The following ALK variants were observed in gnomAD, a reference collection of about 807,000 sequenced individuals.
ALK encodes the protein ALK receptor tyrosine kinase.
Under a neutral mutation model 163.1 loss-of-function variants are expected in ALK, and 74 were observed. The ratio of observed to expected loss-of-function variants is 0.45; its 90% CI spans 0.38 to 0.55. The LOEUF is 0.55. Ranked by LOEUF, ALK falls within the 20% of genes least tolerant of loss-of-function variation. The probability of loss-of-function intolerance (pLI) is 0.00; values close to 1 mark genes in which losing one functional copy is unlikely to be tolerated. For synonymous variants in ALK, 960 were observed against 843.2 expected (o/e 1.14, Z -2.40); for missense variants, 2,063 against 2,105.3 (o/e 0.98, Z 0.39).
Position 29,213,973 on chromosome 2 carries a change from CTT to C in ALK, c.3743+9_3743+10del, listed in dbSNP as rs1330066908. On this transcript the variant is annotated intron_variant, in intron 24 of 28. Coordinates refer to ENST00000389048, the MANE Select transcript of ALK (RefSeq NM_004304.5). ...CAGGATGACAGGAAGAGCACAGTCA[CTT>C]TGACTCACCGGTGGATGAAGTGGTT... The C allele has an allele frequency of 2.5e-6, 4 of 1,611,304 alleles. No homozygotes were observed. Among genetic ancestry groups the C allele is most frequent in the Non-Finnish European group, 2.5e-6 (3 of 1,177,620 alleles).
intron 3 of ALK, among the ~76,000 whole-genome samples, chr2:29,668,989 G>T (rs2148268442): frequency 6.6e-6 from 1 of 152,130 alleles, no homozygotes; most frequent in African/African-American, 2.4e-5. Flanking sequence ...ACCTCCCACT[G>T]GGTCCTTCCC....
intron 5 of ALK, among the ~76,000 whole-genome samples, chr2:29,345,317 G>A (rs1011762359): frequency 6.6e-6 from 1 of 151,878 alleles, no homozygotes; most frequent in South Asian, 2.1e-4. Flanking sequence ...GATCACCTGA[G>A]CCTGGGAGTT....
chr2:29,480,362 T>A (rs1671633078), intron 4 of ALK, among the ~76,000 whole-genome samples: 1 of 152,206 alleles, frequency 6.6e-6, no homozygotes, highest in Non-Finnish European at 1.5e-5. Context: ...GAGCTGTTTG[T>A]AATATTTGTG....
At chr2:29,908,107 C>A (rs1243997705) in intron 1 of ALK, among the ~76,000 whole-genome samples, 1 of 152,212 alleles carries the variant, frequency 6.6e-6, no homozygotes, top group African/African-American at 2.4e-5. Context: ...CCTGAATAAT[C>A]TGCAGTCAAC....
At chr2:29,442,071 C>T (rs1368043107) in intron 4 of ALK, among the ~76,000 whole-genome samples, 3 of 152,104 alleles carry the variant, frequency 2.0e-5, no homozygotes, top group African/African-American at 7.2e-5. Flanking sequence ...ATAGGTGCAC[C>T]GAAGTGCACC....
intron 1 of ALK, among the ~76,000 whole-genome samples, chr2:29,814,029 T>C (rs144152401): frequency 3.0e-4 from 46 of 152,262 alleles, no homozygotes; most frequent in African/African-American, 1.1e-3. Context: ...TCTCCCACAG[T>C]GGTACAAGGA....
At chr2:29,225,655 C>A (rs1353509480) in intron 18 of ALK, 90 bp from the exon 19 acceptor site, 1 of 1,070,456 alleles carries the variant, frequency 9.3e-7, no homozygotes, top group African/African-American at 1.6e-5. Flanking sequence ...CCCACTGAGA[C>A]AAAAACTACT....
intron 13 of ALK, among the ~76,000 whole-genome samples, chr2:29,234,170 T>C (rs759807432): frequency 5.1e-4 from 77 of 152,120 alleles, no homozygotes; most frequent in Non-Finnish European, 9.0e-4. Context: ...CCAGGACCTG[T>C]TTCGATCCTG....
At chr2:29,388,089 G>A (rs1242596915) in intron 4 of ALK, among the ~76,000 whole-genome samples, 3 of 152,152 alleles carry the variant, frequency 2.0e-5, no homozygotes, top group African/African-American at 4.8e-5. Context: ...AAGAAGCTCT[G>A]ACATGGAAAC....
chr2:29,674,467 T>G (rs1024057543), intron 3 of ALK, among the ~76,000 whole-genome samples: 11 of 149,558 alleles, frequency 7.4e-5, no homozygotes, highest in Admixed American at 7.3e-4. Context: ...GTTTATATGC[T>G]GGATTACATT....
intron 4 of ALK, among the ~76,000 whole-genome samples, chr2:29,438,535 T>A (rs927721693): frequency 6.6e-6 from 1 of 152,216 alleles, no homozygotes; most frequent in Non-Finnish European, 1.5e-5. Context: ...AATATTTTTT[T>A]AAAGCATGAG....
At chr2:29,587,902 G>C (rs1674933773) in intron 3 of ALK, among the ~76,000 whole-genome samples, 1 of 152,150 alleles carries the variant, frequency 6.6e-6, no homozygotes, top group African/African-American at 2.4e-5. Context: ...GGGTAGAGTA[G>C]AGCTCTGTAG....
chr2:29,676,109 C>A (rs995493368), intron 3 of ALK, among the ~76,000 whole-genome samples: 1 of 152,058 alleles, frequency 6.6e-6, no homozygotes, highest in Non-Finnish European at 1.5e-5. Context: ...CTTTTTTATG[C>A]AATGTATGAT....
At chr2:29,862,248 A>G (rs1350125576) in intron 1 of ALK, among the ~76,000 whole-genome samples, 1 of 152,284 alleles carries the variant, frequency 6.6e-6, no homozygotes, top group African/African-American at 2.4e-5. Flanking sequence ...TTTCTATTCA[A>G]TGTAGTACTG....
At chr2:29,831,081 GAGGAGGA>G (rs1558508673) in intron 1 of ALK, among the ~76,000 whole-genome samples, 1 of 44,662 alleles carries the variant, frequency 2.2e-5, no homozygotes, top group Admixed American at 3.2e-4. Flanking sequence ...GGAGGAGGAG[GAGGAGGA>G]GGAGGAGGAG....
At chr2:29,625,566 T>C (rs1676168992) in intron 3 of ALK, among the ~76,000 whole-genome samples, 1 of 152,188 alleles carries the variant, frequency 6.6e-6, no homozygotes, top group Non-Finnish European at 1.5e-5. Context: ...TGTAGACATG[T>C]GTCCCTTAAT....
intron 23 of ALK, among the ~76,000 whole-genome samples, chr2:29,217,089 ATATG>A (rs1223844847): frequency 3.6e-5 from 4 of 109,818 alleles, no homozygotes; most frequent in African/African-American, 1.2e-4. Context: ...TGTAAGTGGT[ATATG>A]TCTATGTGGT....
chr2:29,835,652 C>T (rs534705268), intron 1 of ALK, among the ~76,000 whole-genome samples: 20 of 152,242 alleles, frequency 1.3e-4, no homozygotes, highest in Admixed American at 2.6e-4. Flanking sequence ...AATGGTAGCT[C>T]GCATAATTCC....
intron 5 of ALK, among the ~76,000 whole-genome samples, chr2:29,366,919 C>A (rs1668522017): frequency 6.6e-6 from 1 of 152,136 alleles, no homozygotes; most frequent in African/African-American, 2.4e-5. Flanking sequence ...GATTTATATT[C>A]TCTATATGCT....
Sources: allele counts gnomAD v4.1 joint callset (sites outside exome capture counted in the v4.1 genomes callset), GRCh38; gene constraint gnomAD v4.1.1; transcripts MANE v1.5; gene names NCBI Gene and HGNC (gene_info 2026-07-23, HGNC 2026-07-21).